The following PAK2 variants were observed in gnomAD, a reference collection of about 807,000 sequenced individuals.
PAK2 encodes serine/threonine-protein kinase PAK 2.
A neutral mutation model predicts 65.9 loss-of-function variants in PAK2; 21 were observed. The ratio of observed to expected loss-of-function variants is 0.32; its 90% CI spans 0.23 to 0.46. The LOEUF (loss-of-function observed/expected upper bound fraction) is 0.46, where lower values mean the gene tolerates loss of function less well. PAK2 is among the 20% of genes least tolerant of loss of function. PAK2 has a pLI of 1.00. For synonymous variants in PAK2, 204 were observed against 219.7 expected (o/e 0.93, Z 0.63); for missense variants, 324 against 642.6 (o/e 0.50, Z 5.36).
chr3:196,779,453 G>A (rs1714637984), intron 1 of PAK2, among the ~76,000 whole-genome samples: 1 of 152,130 alleles, frequency 6.6e-6, no homozygotes, highest in African/African-American at 2.4e-5. Flanking sequence ...CATGAGACGT[G>A]GTGAAGTGTA....
intron 4 of PAK2, among the ~76,000 whole-genome samples, chr3:196,803,415 G>GT (rs1715480889): frequency 6.6e-6 from 1 of 152,036 alleles, no homozygotes; most frequent in South Asian, 2.1e-4. Flanking sequence ...TGTTTATTTG[G>GT]TTTTTTCTCC....
At position 196,829,332 on chromosome 3, in the gene PAK2, T is replaced by G. The variant is rs1332110184; in HGVS notation, c.*927T>G. On this transcript the variant is annotated 3_prime_UTR_variant, in exon 15 of 15. Coordinates refer to ENST00000327134, the MANE Select transcript of PAK2 (RefSeq NM_002577.4). ...TCCCCCTTCAATTTGGAAATAAATT[T>G]CTGTATATGTTGCAATTTTAGGTTT... 6.6e-6 allele frequency: 1 copy of G among 152,632 alleles called. No individual in the cohort carries two copies. Among genetic ancestry groups the G allele is most frequent in the Non-Finnish European group, 1.5e-5 (1 of 68,040 alleles). 9.5% of individuals were successfully genotyped at this position (152,632 alleles called of 1,614,324 possible). A position where few individuals can be genotyped will look rare whatever the true frequency, so the allele number is the denominator to read the frequency against.
intron 1 of PAK2, among the ~76,000 whole-genome samples, chr3:196,743,738 T>C (rs1211087540): frequency 1.3e-5 from 2 of 150,050 alleles, no homozygotes; most frequent in African/African-American, 4.9e-5. Flanking sequence ...AAATATTAGC[T>C]GGGCGTGGTG....
rs1327352816 is a variant in PAK2 at position 196,770,709 on chromosome 3, G to GC, written c.-21-11915dup. On this transcript the variant is annotated intron_variant, in intron 1 of 14. Transcript: ENST00000327134. ...ACCATCTCGGCTCACTGTAATCTCC[G>GC]CCTCCCGGGTTCAAGCAATTCTCCT... Among the ~76,000 whole-genome samples, 5 of 139,474 alleles carry GC rather than the reference G, an allele frequency of 3.6e-5. No individual in the cohort carries two copies. The East Asian group carries it at 9.9e-4, about 28-fold the overall frequency. 91.5% of individuals were successfully genotyped at this position (139,474 alleles called of 152,430 possible). A position where few individuals can be genotyped will look rare whatever the true frequency, so the allele number is the denominator to read the frequency against.
At chr3:196,795,588 T>C (rs4916550) in intron 2 of PAK2, among the ~76,000 whole-genome samples, 131,984 of 152,178 alleles carry the variant, frequency 0.87, 57,468 homozygotes, top group Admixed American at 0.91. Context: ...CAGACTTTAT[T>C]TAAGTAACAG....
At chr3:196,741,879 T>C (rs1713203761) in intron 1 of PAK2, among the ~76,000 whole-genome samples, 1 of 152,206 alleles carries the variant, frequency 6.6e-6, no homozygotes, top group African/African-American at 2.4e-5. Flanking sequence ...GATATTTTTA[T>C]GAAGGAAGAG....
intron 1 of PAK2, among the ~76,000 whole-genome samples, chr3:196,781,217 C>T (rs1169876363): frequency 6.6e-6 from 1 of 152,178 alleles, no homozygotes; most frequent in African/African-American, 2.4e-5. Flanking sequence ...TGCTTAAATG[C>T]ATTAAATAAT....
At chr3:196,762,223 A>G (rs1365904748) in intron 1 of PAK2, among the ~76,000 whole-genome samples, 9 of 104,502 alleles carry the variant, frequency 8.6e-5, no homozygotes, top group East Asian at 2.4e-4. Context: ...CTGGGCAGCC[A>G]GGCAGAGGGG....
At position 196,791,816 on chromosome 3, in the gene PAK2, C is replaced by T. The variant is rs557924525; in HGVS notation, c.187+8983C>T. On this transcript the variant is annotated intron_variant, in intron 2 of 14. Transcript: ENST00000327134. The surrounding 1 kb of genome is among the most constrained non-coding windows in gnomAD (Gnocchi z 4.0). ...GCGGGCCCCTGTAGTCCCAGCTACT[C>T]GGGAGGCTGAGGCAGGAGAATGGCG... 9.2e-5 allele frequency among the ~76,000 whole-genome samples: 14 copies of T among 151,392 alleles called. No individual in the cohort carries two copies. Among genetic ancestry groups the T allele is most frequent in the African/African-American group, 2.9e-4 (12 of 41,158 alleles).
chr3:196,801,475 CTTTTCTAGAATAACTTTGATTCTAGTGTG>C (rs1279527730), intron 2 of PAK2, among the ~76,000 whole-genome samples: 2 of 152,176 alleles, frequency 1.3e-5, no homozygotes, highest in Admixed American at 6.5e-5. Flanking sequence ...TAGGGGAAAT[CTTTTCTAGAATAACTTTGATTCTAGTGTG>C]TTTTCTAGAA....
intron 2 of PAK2, among the ~76,000 whole-genome samples, chr3:196,787,029 G>C (rs184474296): frequency 1.3e-5 from 2 of 151,576 alleles, no homozygotes; most frequent in South Asian, 2.1e-4. Context: ...CTCATATGTT[G>C]CCCAGGCTGG....
Position 196,812,808 on chromosome 3 carries a change from A to G in PAK2, c.892A>G (p.Met298Val). The G allele has an allele frequency of 6.3e-7, 1 of 1,578,856 alleles. No individual in the cohort carries two copies. The highest frequency in any genetic ancestry group is 8.7e-7 in the Non-Finnish European group (1 of 1,148,360). The change falls in exon 10 of 15, where the codon ATG becomes GTG. Residue 298 changes from methionine to valine, a missense_variant. Physicochemically the swap from Met to Val is conservative, Grantham distance 21. Coordinates refer to ENST00000327134, the MANE Select transcript of PAK2 (RefSeq NM_002577.4). Reference sequence around the variant, plus strand: ...ACTGATCATTAACGAGATTCTGGTGATGAAAGAATTGAAAAATCCCAACAT... The same window carrying G: ...ACTGATCATTAACGAGATTCTGGTGGTGAAAGAATTGAAAAATCCCAACAT... ...KELIINEILV[M>V]KELKNPNIVN...
At chr3:196,809,204 C>G (rs561862346) in intron 7 of PAK2, among the ~76,000 whole-genome samples, 1 of 144,208 alleles carries the variant, frequency 6.9e-6, no homozygotes, top group African/African-American at 2.5e-5. Flanking sequence ...GCTGTGATTG[C>G]GCCACTGCAC....
chr3:196,797,374 A>C (rs1715289425), intron 2 of PAK2, among the ~76,000 whole-genome samples: 1 of 152,030 alleles, frequency 6.6e-6, no homozygotes, highest in African/African-American at 2.4e-5. Context: ...GAGGCAGGAG[A>C]ATCGTTTGAA....
chr3:196,771,626 C>T (rs1277657418), intron 1 of PAK2, among the ~76,000 whole-genome samples: 1 of 152,114 alleles, frequency 6.6e-6, no homozygotes, highest in Non-Finnish European at 1.5e-5. Flanking sequence ...ATGGTGCAGT[C>T]TCAGCTCACT....
chr3:196,744,241 T>G (rs1713297755), intron 1 of PAK2, among the ~76,000 whole-genome samples: 1 of 152,124 alleles, frequency 6.6e-6, no homozygotes. Context: ...AAAAAAATAT[T>G]AAATAAGAAA....
chr3:196,786,689 C>T (rs1216257141), intron 2 of PAK2, among the ~76,000 whole-genome samples: 1 of 152,124 alleles, frequency 6.6e-6, no homozygotes, highest in African/African-American at 2.4e-5. Context: ...TCTATTTCCC[C>T]ACTGACCTAG....
At chr3:196,769,151 G>A (rs1714278725) in intron 1 of PAK2, among the ~76,000 whole-genome samples, 2 of 151,576 alleles carry the variant, frequency 1.3e-5, no homozygotes, top group Non-Finnish European at 2.9e-5. Flanking sequence ...ACATAGGGAG[G>A]CCCTTTCTCT....
At chr3:196,758,417 G>A (rs912936142) in intron 1 of PAK2, among the ~76,000 whole-genome samples, 8 of 152,238 alleles carry the variant, frequency 5.3e-5, no homozygotes, top group Admixed American at 3.9e-4. Context: ...CGGCTTTCCT[G>A]GTTTTAGCAC....
Sources: gnomAD v4.1 joint callset for allele counts (sites outside exome capture counted in the v4.1 genomes callset) on GRCh38, gnomAD v4.1.1 for gene constraint, Gnocchi (gnomAD v3.1) non-coding constraint, MANE v1.5 for transcripts, NCBI Gene and HGNC (gene_info 2026-07-23, HGNC 2026-07-21) for gene names.